The following LRMDA variants were observed in gnomAD, a reference collection of about 807,000 sequenced individuals.
LRMDA encodes leucine rich melanocyte differentiation associated.
Under a neutral mutation model 29.8 loss-of-function variants are expected in LRMDA, and 18 were observed. The observed-to-expected ratio is 0.60, with a 90% CI of 0.42 to 0.90. LRMDA has a LOEUF of 0.90. LRMDA is among the 40% of genes least tolerant of loss of function. LRMDA has a pLI of 0.00. For synonymous variants in LRMDA, 125 were observed against 109.4 expected (o/e 1.14, Z -0.89); for missense variants, 273 against 273.9 (o/e 1.00, Z 0.02).
intron 6 of LRMDA, among the ~76,000 whole-genome samples, chr10:76,370,626 C>A (rs571839643): frequency 1.3e-5 from 2 of 152,038 alleles, no homozygotes; most frequent in Non-Finnish European, 2.9e-5. Flanking sequence ...AGACTATATT[C>A]GTATAACTTT....
intron 5 of LRMDA, among the ~76,000 whole-genome samples, chr10:76,097,729 TTG>T (rs1394174746): frequency 3.2e-4 from 48 of 152,216 alleles, no homozygotes; most frequent in African/African-American, 1.0e-3. Flanking sequence ...TGATTGATTT[TTG>T]AATATTGAAC....
intron 6 of LRMDA, among the ~76,000 whole-genome samples, chr10:76,369,664 A>G (rs1376346418): frequency 3.3e-5 from 5 of 152,112 alleles, no homozygotes; most frequent in Non-Finnish European, 2.9e-5. Flanking sequence ...GGTCTCTTGC[A>G]AGGCCGGGAG....
intron 6 of LRMDA, among the ~76,000 whole-genome samples, chr10:76,382,306 G>A (rs766097702): frequency 6.6e-6 from 1 of 152,166 alleles, no homozygotes; most frequent in Non-Finnish European, 1.5e-5. Context: ...TGGAAAAATA[G>A]GAATTCAGTG....
intron 5 of LRMDA, among the ~76,000 whole-genome samples, chr10:76,059,659 T>G (rs570647068): frequency 5.9e-5 from 9 of 152,210 alleles, no homozygotes; most frequent in Non-Finnish European, 1.0e-4. Flanking sequence ...GAAGTCTAGT[T>G]TATCCTCAGC....
At chr10:76,422,023 G>GGT (rs1296863534) in intron 6 of LRMDA, among the ~76,000 whole-genome samples, 1 of 152,100 alleles carries the variant, frequency 6.6e-6, no homozygotes, top group Non-Finnish European at 1.5e-5. Flanking sequence ...CTGCAGACTT[G>GGT]GTGAGGACAG....
At chr10:76,010,348 T>C (rs1178944602) in intron 2 of LRMDA, among the ~76,000 whole-genome samples, 3 of 150,518 alleles carry the variant, frequency 2.0e-5, no homozygotes, top group African/African-American at 7.3e-5. Flanking sequence ...TGTCTCACTC[T>C]GTCGCCCAGG....
chr10:75,828,739 C>T (rs967885201), intron 2 of LRMDA, among the ~76,000 whole-genome samples: 10 of 152,192 alleles, frequency 6.6e-5, no homozygotes, highest in African/African-American at 2.2e-4. Context: ...GTTATTTTTA[C>T]ATCCTAAAGT....
Position 76,204,425 on chromosome 10 carries a change from C to A in LRMDA, c.517-119976C>A, listed in dbSNP as rs542278258. Among the ~76,000 whole-genome samples the A allele has an allele frequency of 5.3e-5, 8 of 152,366 alleles. No homozygotes were observed. The East Asian group carries it at 1.5e-3, about 29-fold the overall frequency. On this transcript the variant is annotated intron_variant, in intron 5 of 6. Coordinates refer to ENST00000611255, the MANE Select transcript of LRMDA (RefSeq NM_001305581.2). ...ACTCATCTCTCCATGTGCCCATTCA[C>A]CCACATATCCACTACCTTCTTATTT... is the stretch of plus-strand genomic sequence containing the variant.
At chr10:76,133,325 A>G (rs1850033670) in intron 5 of LRMDA, among the ~76,000 whole-genome samples, 1 of 151,986 alleles carries the variant, frequency 6.6e-6, no homozygotes. Context: ...TTTTCCTTGT[A>G]TGCAGGTAGC....
chr10:76,263,825 G>A (rs1178719598), intron 5 of LRMDA, among the ~76,000 whole-genome samples: 4 of 152,178 alleles, frequency 2.6e-5, no homozygotes, highest in Admixed American at 1.3e-4. Context: ...GCCCTCCTAT[G>A]TTACAGTGGC....
At chr10:75,891,112 A>C (rs950703474) in intron 2 of LRMDA, among the ~76,000 whole-genome samples, 7 of 138,190 alleles carry the variant, frequency 5.1e-5, no homozygotes, top group African/African-American at 1.9e-4. Context: ...CTCACAAAAA[A>C]AAAAAAGAAA....
chr10:75,436,508 C>T (rs1164698158), intron 1 of LRMDA, among the ~76,000 whole-genome samples: 3 of 151,614 alleles, frequency 2.0e-5, no homozygotes. Flanking sequence ...GGCTCTGTCG[C>T]CCAGGCTGGA....
intron 2 of LRMDA, among the ~76,000 whole-genome samples, chr10:75,637,967 GA>G (rs1423169911): frequency 1.3e-5 from 2 of 152,236 alleles, no homozygotes; most frequent in Admixed American, 6.5e-5. Flanking sequence ...CAAACAGCCA[GA>G]GACCCTCAAA....
At chr10:75,915,040 T>A (rs1156567247) in intron 2 of LRMDA, among the ~76,000 whole-genome samples, 1 of 151,238 alleles carries the variant, frequency 6.6e-6, no homozygotes, top group Non-Finnish European at 1.5e-5. Context: ...CATGACTGAC[T>A]ACAAATACTA....
At chr10:76,251,940 A>T (rs1852493312) in intron 5 of LRMDA, among the ~76,000 whole-genome samples, 1 of 152,214 alleles carries the variant, frequency 6.6e-6, no homozygotes, top group Non-Finnish European at 1.5e-5. Flanking sequence ...AAATCCACTC[A>T]TGTAAACAGA....
intron 2 of LRMDA, among the ~76,000 whole-genome samples, chr10:75,809,431 G>A (rs1564573784): frequency 6.6e-6 from 1 of 152,036 alleles, no homozygotes; most frequent in East Asian, 1.9e-4. Flanking sequence ...ATCACCTGAG[G>A]TCAGGAGTTC....
At chr10:75,750,880 C>T (rs935335475) in intron 2 of LRMDA, among the ~76,000 whole-genome samples, 9 of 151,744 alleles carry the variant, frequency 5.9e-5, no homozygotes, top group Admixed American at 5.9e-4. Context: ...GATGGGCGGC[C>T]AGGCAGAGAC....
At chr10:75,556,121 A>G (rs1589181680) in intron 2 of LRMDA, among the ~76,000 whole-genome samples, 1 of 152,168 alleles carries the variant, frequency 6.6e-6, no homozygotes, top group East Asian at 1.9e-4. Flanking sequence ...GGCTGAAAAT[A>G]TCCCAAATTT....
intron 6 of LRMDA, among the ~76,000 whole-genome samples, chr10:76,546,601 C>A (rs558283014): frequency 6.6e-6 from 1 of 152,170 alleles, no homozygotes; most frequent in African/African-American, 2.4e-5. Flanking sequence ...AGAGGCCTCT[C>A]GGCTGAAATG....
Sources: gnomAD v4.1 joint callset for allele counts (sites outside exome capture counted in the v4.1 genomes callset) on GRCh38, gnomAD v4.1.1 for gene constraint, MANE v1.5 for transcripts, NCBI Gene and HGNC (gene_info 2026-07-23, HGNC 2026-07-21) for gene names.